Variants in TRPM2 observed in about 807,000 individuals in gnomAD.
The protein encoded by TRPM2 is transient receptor potential cation channel subfamily M member 2, also known as estrogen-responsive element-associated gene 1 protein.
Under a neutral mutation model 174.0 loss-of-function variants are expected in TRPM2, and 161 were observed. The observed-to-expected ratio is 0.93, with a 90% confidence interval of 0.81 to 1.05. The LOEUF (loss-of-function observed/expected upper bound fraction) is 1.05, where lower values mean the gene tolerates loss of function less well. Ranked by LOEUF, TRPM2 falls within the 50% of genes least tolerant of loss-of-function variation. The pLI is 0.00. For synonymous variants in TRPM2, 954 were observed against 861.3 expected, an observed-to-expected ratio of 1.11 and a Z score of -1.88; for missense variants, 2,057 against 2,038.0, an observed-to-expected ratio of 1.01 and a Z score of -0.18.
In TRPM2 at chr21:44,427,084, CG is replaced by C; in HGVS notation, c.3948del (p.Tyr1317ThrfsTer9). On this transcript the variant is annotated frameshift_variant, in exon 27 of 32. Coordinates refer to ENST00000397928, the MANE Select transcript of TRPM2 (RefSeq NM_003307.4). LOFTEE classifies it high-confidence loss of function. The stretch of plus-strand genomic sequence containing the variant: ...AGGGACCGCCGGAGCTTCCACGGGC[CG>C]TACACAGTGCAGGCCGGGTTGCCCC... Reference protein sequence around the residue: ...GLRDRRSFHGPYTVQAGLPLN... With the variant: ...GLRDRRSFHGXYTVQAGLPLN... 1 of 1,603,904 alleles carries C rather than the reference CG, an allele frequency of 6.2e-7. No homozygotes were observed. The highest frequency in any genetic ancestry group is 8.5e-7 in the Non-Finnish European group (1 of 1,176,012).
At chr21:44,434,846 G>A (rs1387653665) in intron 27 of TRPM2, among the ~76,000 whole-genome samples, 1 of 152,106 alleles carries the variant, frequency 6.6e-6, no homozygotes, top group Non-Finnish European at 1.5e-5. Context: ...GGGAGAAGGT[G>A]GCCACTTTAG....
intron 16 of TRPM2, among the ~76,000 whole-genome samples, chr21:44,403,894 A>C (rs1265437481): frequency 1.3e-5 from 2 of 151,350 alleles, no homozygotes; most frequent in African/African-American, 4.9e-5. Context: ...GCACATACAT[A>C]TACAGCACAC....
chr21:44,424,722 C>A, intron 23 of TRPM2, 130 bp from the exon 24 acceptor site: 1 of 549,450 alleles, frequency 1.8e-6, no homozygotes, highest in Non-Finnish European at 3.0e-6. Flanking sequence ...GTCTCACTTT[C>A]AAAGGGCGCA....
At position 44,384,422 on chromosome 21, in the gene TRPM2, C is replaced by A. The variant is rs114724197; in HGVS notation, c.1318+1602C>A. ...CCTGCCTCATGTCATTCCAGAATGG[C>A]AGCACATACATGCCCTTCCACTGGA... On this transcript the variant is annotated intron_variant, in intron 9 of 31. Transcript: ENST00000397928. Among the ~76,000 whole-genome samples, 616 of 152,290 alleles carry A rather than the reference C, an allele frequency of 4.0e-3. 3 individuals carry two copies. Among genetic ancestry groups the A allele is most frequent in the African/African-American group, 0.014 (594 of 41,558 alleles).
Position 44,441,999 on chromosome 21 carries a change from G to C in TRPM2, c.*182G>C. 1 of 930,944 alleles carries C rather than the reference G, an allele frequency of 1.1e-6. No individual in the cohort carries two copies. Among genetic ancestry groups the C allele is most frequent in the Non-Finnish European group, 1.5e-6 (1 of 681,208 alleles). 57.7% of individuals were successfully genotyped at this position (930,944 alleles called of 1,614,324 possible). A position where few individuals can be genotyped will look rare whatever the true frequency, so the allele number is the denominator to read the frequency against. On this transcript the variant is annotated 3_prime_UTR_variant, in exon 32 of 32. Coordinates refer to ENST00000397928, the MANE Select transcript of TRPM2 (RefSeq NM_003307.4). ...CTGCAGATGACCTCATGAACTGGAA[G>C]GGGTCAAGGTGACCCGGGAGGAGAG... is the stretch of plus-strand genomic sequence containing the variant.
At chr21:44,429,580 C>G (rs1226237918) in intron 27 of TRPM2, among the ~76,000 whole-genome samples, 1 of 151,884 alleles carries the variant, frequency 6.6e-6, no homozygotes, top group Non-Finnish European at 1.5e-5. Flanking sequence ...AGCCACCATG[C>G]CTGGTGTATA....
chr21:44,410,469 CGT>C (rs1569084504), intron 19 of TRPM2, among the ~76,000 whole-genome samples: 5 of 69,574 alleles, frequency 7.2e-5, no homozygotes, highest in South Asian at 4.4e-4. Flanking sequence ...TCTTGGTGAG[CGT>C]AGCCTTGTAG....
Position 44,438,132 on chromosome 21 carries a change from G to A in TRPM2, c.4168-935G>A, listed in dbSNP as rs1488770593. On this transcript the variant is annotated intron_variant, in intron 29 of 31. Transcript: ENST00000397928. The surrounding 1 kb of genome is among the most constrained non-coding windows in gnomAD (Gnocchi z 5.9). Reference sequence around the variant, plus strand: ...TCCGGAGCCCAGGCCCAGCTGCTGGGTCCCAGTGCTTTGGGGGCCTGTCTC... The same window carrying A: ...TCCGGAGCCCAGGCCCAGCTGCTGGATCCCAGTGCTTTGGGGGCCTGTCTC... Among the ~76,000 whole-genome samples the A allele has an allele frequency of 6.6e-6, 1 of 152,244 alleles. No homozygotes were observed. Among genetic ancestry groups the A allele is most frequent in the Non-Finnish European group, 1.5e-5 (1 of 68,048 alleles).
In TRPM2 at chr21:44,424,835, C is replaced by A; in HGVS notation, c.3550-17C>A. 1 of 1,560,352 alleles carries A rather than the reference C, an allele frequency of 6.4e-7. No homozygotes were observed. The highest frequency in any genetic ancestry group is 1.2e-5 in the South Asian group (1 of 84,922). On this transcript the variant is annotated splice_polypyrimidine_tract_variant and intron_variant, in intron 23 of 31. Transcript: ENST00000397928. ...TGGGTGGCAGGTGCTCACTGTGTCT[C>A]GGGCCATGCCTTCCAGGTGGCCCAG...
chr21:44,395,514 A>C lies in TRPM2; in HGVS notation c.1895A>C (p.Gln632Pro), dbSNP rs139011900. The C allele has an allele frequency of 1.1e-5, 18 of 1,613,120 alleles. No homozygotes were observed. The African/African-American group carries it at 2.4e-4, about 21-fold the overall frequency. ...GACCTTCTCATTTGGGCCATTGTCC[A>C]GAACCGTCGGGAGCTGGCAGGAATC... The part of the protein sequence containing the change: ...IRDLLIWAIV[Q>P]NRRELAGIIW... The change falls in exon 12 of 32, where the codon CAG becomes CCG. Residue 632 changes from glutamine (Q) to proline (P), a missense_variant. Coordinates refer to ENST00000397928, the MANE Select transcript of TRPM2 (RefSeq NM_003307.4).
chr21:44,392,699 A>T (rs1200318981), intron 11 of TRPM2, among the ~76,000 whole-genome samples: 1 of 152,084 alleles, frequency 6.6e-6, no homozygotes, highest in African/African-American at 2.4e-5. Context: ...GGGCTTCAAC[A>T]TATGAATTTT....
In TRPM2 at chr21:44,387,773, G is replaced by A. The variant is rs148111439; in HGVS notation, c.1319-3131G>A. Among the ~76,000 whole-genome samples the A allele has an allele frequency of 2.9e-3, 438 of 152,084 alleles. 3 individuals are homozygous for A. Among genetic ancestry groups the A allele is most frequent in the African/African-American group, 9.7e-3 (402 of 41,486 alleles). ...TTTCTTTAAAGAAGTCGTACAAATG[G>A]CCAATAAGCACGTGAAAAGATGCTC... On this transcript the variant is annotated intron_variant, in intron 9 of 31. Transcript: ENST00000397928.
chr21:44,400,373 TGCTGCAGG>T lies in TRPM2; in HGVS notation c.2321+8_2321+15del. ...CCTCACCGGCCTCATCTCCTTCAGG[TGCTGCAGG>T]GCTGCGGGGCTGCGGGACTGTGGGG... On this transcript the variant is annotated splice_donor_5th_base_variant and intron_variant, in intron 15 of 31. Coordinates refer to ENST00000397928, the MANE Select transcript of TRPM2 (RefSeq NM_003307.4). 1 of 1,609,698 alleles carries T rather than the reference TGCTGCAGG, an allele frequency of 6.2e-7. No homozygotes were observed. The highest frequency in any genetic ancestry group is 8.5e-7 in the Non-Finnish European group (1 of 1,178,970).
Position 44,379,177 on chromosome 21 carries a change from A to T in TRPM2, c.1195A>T (p.Ile399Phe). ...GTTTGAGACCTTCACGGAAAGCAGGATTGTCGAGTGGACCAAAAAGGTGAG... is the reference window on the plus strand; with the variant it reads ...GTTTGAGACCTTCACGGAAAGCAGGTTTGTCGAGTGGACCAAAAAGGTGAG... ...EMFETFTESRIVEWTKKIQDI... is the reference protein window; with the variant it reads ...EMFETFTESRFVEWTKKIQDI... Residue 399 changes from isoleucine (I) to phenylalanine (F), a missense_variant, in exon 8 of 32, where the codon ATT becomes TTT. Transcript: ENST00000397928. The T allele has an allele frequency of 6.2e-7, 1 of 1,613,228 alleles. No homozygotes were observed. The highest frequency in any genetic ancestry group is 2.2e-5 in the East Asian group (1 of 44,886).
At chr21:44,401,344 G>A (rs970089072) in intron 15 of TRPM2, among the ~76,000 whole-genome samples, 3 of 152,176 alleles carry the variant, frequency 2.0e-5, no homozygotes, top group Non-Finnish European at 4.4e-5. Flanking sequence ...TCTGAAGCTG[G>A]GGCCCACCCA....
chr21:44,398,012 T>A, intron 13 of TRPM2, 136 bp downstream of exon 13: 1 of 1,105,010 alleles, frequency 9.0e-7, no homozygotes, highest in Non-Finnish European at 1.2e-6. Context: ...CCTGCACGCT[T>A]ACCCTGGGGT....
rs1355256413 is a variant in TRPM2 at position 44,375,851 on chromosome 21, T to C, written c.790T>C (p.Tyr264His). ...IHPTGSFPAE[Y>H]ILDEDGQGNL... ...ATCCCAGGGCAGCTTCCCCGCCGAG[T>C]ACATACTGGATGAGGATGGCCAAGG... Residue 264 changes from tyrosine to histidine, a missense_variant, in exon 6 of 32, where the codon TAC (tyrosine) becomes CAC (histidine). Physicochemically the swap from Tyr to His is moderately conservative, Grantham distance 83. Coordinates refer to ENST00000397928, the MANE Select transcript of TRPM2 (RefSeq NM_003307.4). 1.2e-6 allele frequency: 2 copies of C among 1,613,658 alleles called. No homozygotes were observed. The highest frequency in any genetic ancestry group is 2.2e-5 in the South Asian group (2 of 91,064).
rs2051191519 is a variant in TRPM2 at position 44,435,146 on chromosome 21, C to T, written c.3990C>T (p.Arg1330=). 1 of 1,613,322 alleles carries T rather than the reference C, an allele frequency of 6.2e-7. No individual in the cohort carries two copies. The highest frequency in any genetic ancestry group is 8.5e-7 in the Non-Finnish European group (1 of 1,179,460). The change falls in exon 28 of 32, where the codon CGC becomes CGT. Residue 1330 remains arginine, a synonymous_variant. Transcript: ENST00000397928. The part of the protein sequence containing the change: ...QAGLPLNPMG[R]TGLRGRGSLS... The stretch of plus-strand genomic sequence containing the variant: ...TGCATCCCAGGAACCCCATGGGCCG[C>T]ACAGGACTGCGTGGGCGCGGGAGCC...
In TRPM2 at chr21:44,399,101, GT is replaced by G. The variant is rs1000966108; in HGVS notation, c.2063-193del. On this transcript the variant is annotated intron_variant, in intron 13 of 31. Coordinates refer to ENST00000397928, the MANE Select transcript of TRPM2 (RefSeq NM_003307.4). This position sits in a 1 kb window ranked among gnomAD's most constrained non-coding sequence, Gnocchi z 4.6. The stretch of plus-strand genomic sequence containing the variant: ...CCCTGTTGTCATTTTTGTAGAGGCA[GT>G]TCCAGCCCTACGTGCCCTCTCCCTG... Among the ~76,000 whole-genome samples, 2 of 152,130 alleles carry G rather than the reference GT, an allele frequency of 1.3e-5. No individual in the cohort carries two copies. The highest frequency in any genetic ancestry group is 4.8e-5 in the African/African-American group (2 of 41,428).
Sources: gnomAD v4.1 joint callset for allele counts (sites outside exome capture counted in the v4.1 genomes callset) on GRCh38, gnomAD v4.1.1 for gene constraint, Gnocchi (gnomAD v3.1) non-coding constraint, MANE v1.5 for transcripts, NCBI Gene and HGNC (gene_info 2026-07-23, HGNC 2026-07-21) for gene names.